RNF111: variants seen among roughly 807,000 people sequenced by gnomAD.
RNF111 encodes the protein ring finger protein 111.
RNF111 carries 17 observed loss-of-function variants against 95.1 expected under a neutral mutation model. The observed-to-expected ratio is 0.18, with a 90% CI of 0.12 to 0.27. The LOEUF (loss-of-function observed/expected upper bound fraction) is 0.27. RNF111 is among the 10% of genes least tolerant of loss of function. The pLI, the probability that RNF111 is intolerant of heterozygous loss-of-function variation, is 1.00. For synonymous variants in RNF111, 440 were observed against 414.8 expected (o/e 1.06, Z -0.74); for missense variants, 1,189 against 1,210.4 (o/e 0.98, Z 0.26).
At chr15:59,061,389 C>T (rs11636229) in intron 5 of RNF111, among the ~76,000 whole-genome samples, 4 of 152,144 alleles carry the variant, frequency 2.6e-5, no homozygotes, top group African/African-American at 4.8e-5. Flanking sequence ...CAAGTTCCTC[C>T]GTAAATTTAT....
At chr15:59,055,608 A>G (rs1312951252) in intron 3 of RNF111, 74 bp from the exon 4 acceptor site, 7 of 1,145,648 alleles carry the variant, frequency 6.1e-6, no homozygotes, top group Non-Finnish European at 8.3e-6. Flanking sequence ...TTTAGTAAGA[A>G]AGGCTTATGG....
Position 59,042,511 on chromosome 15 carries a change from C to G in RNF111, c.881-9794C>G, listed in dbSNP as rs567856353. ...ATCATAATTAGGAATACTTTTACCACTCCAAAGTTCTAGCAAAATTAGCCC... is the reference window on the plus strand; with the variant it reads ...ATCATAATTAGGAATACTTTTACCAGTCCAAAGTTCTAGCAAAATTAGCCC... On this transcript the variant is annotated intron_variant, in intron 2 of 13. Transcript: ENST00000348370. Among the ~76,000 whole-genome samples, 8 of 152,284 alleles carry G rather than the reference C, an allele frequency of 5.3e-5. No homozygotes were observed. In the East Asian group the frequency reaches 1.3e-3, roughly 26 times the overall value.
intron 6 of RNF111, among the ~76,000 whole-genome samples, chr15:59,072,778 C>T (rs1478084173): frequency 6.6e-6 from 1 of 151,448 alleles, no homozygotes; most frequent in Non-Finnish European, 1.5e-5. Flanking sequence ...TTCCTAGTAT[C>T]TTTACCTGGA....
intron 9 of RNF111, among the ~76,000 whole-genome samples, chr15:59,085,110 C>T (rs1305489617): frequency 6.6e-6 from 1 of 152,162 alleles, no homozygotes; most frequent in African/African-American, 2.4e-5. Context: ...TCATTGAGAT[C>T]TTGAACCACA....
chr15:58,996,890 A>G (rs2039100237), intron 1 of RNF111, among the ~76,000 whole-genome samples: 1 of 152,110 alleles, frequency 6.6e-6, no homozygotes. Context: ...GTGGTTTCCT[A>G]TGCAACTCTC....
chr15:59,048,495 G>A (rs572470392), intron 2 of RNF111, among the ~76,000 whole-genome samples: 1 of 152,158 alleles, frequency 6.6e-6, no homozygotes, highest in East Asian at 1.9e-4. Flanking sequence ...AGCTCTTTTG[G>A]GGTTATTGGA....
intron 1 of RNF111, among the ~76,000 whole-genome samples, chr15:59,005,269 C>T (rs1333419612): frequency 6.6e-6 from 1 of 152,184 alleles, no homozygotes; most frequent in Admixed American, 6.5e-5. Flanking sequence ...ACAAGCAGTC[C>T]TCCCTGCATG....
intron 4 of RNF111, among the ~76,000 whole-genome samples, chr15:59,056,132 T>C (rs2042191229): frequency 6.6e-6 from 1 of 152,210 alleles, no homozygotes; most frequent in Non-Finnish European, 1.5e-5. Context: ...TTTGTAATAA[T>C]GATTGTCTTT....
chr15:59,027,776 A>C (rs1196066483), intron 1 of RNF111, among the ~76,000 whole-genome samples: 1 of 146,928 alleles, frequency 6.8e-6, no homozygotes, highest in Non-Finnish European at 1.5e-5. Flanking sequence ...CAGGTGATCC[A>C]CCCGCTTCAG....
intron 2 of RNF111, among the ~76,000 whole-genome samples, chr15:59,047,966 C>T (rs908285163): frequency 3.9e-5 from 6 of 152,174 alleles, no homozygotes; most frequent in African/African-American, 1.2e-4. Flanking sequence ...ATAATAGGTA[C>T]TGGTGAGGAT....
intron 2 of RNF111, among the ~76,000 whole-genome samples, chr15:59,042,032 G>T (rs1367110973): frequency 7.0e-6 from 1 of 143,244 alleles, no homozygotes; most frequent in Non-Finnish European, 1.5e-5. Flanking sequence ...ATTTTTAGAA[G>T]CTTTTTATAT....
intron 1 of RNF111, among the ~76,000 whole-genome samples, chr15:59,023,282 G>C (rs2040436378): frequency 6.6e-6 from 1 of 152,008 alleles, no homozygotes; most frequent in Admixed American, 6.6e-5. Flanking sequence ...TAGCATGCTG[G>C]TTTACCCTGT....
At chr15:59,003,044 A>G (rs551029856) in intron 1 of RNF111, among the ~76,000 whole-genome samples, 1 of 152,174 alleles carries the variant, frequency 6.6e-6, no homozygotes, top group Non-Finnish European at 1.5e-5. Flanking sequence ...GCAGTTGGCT[A>G]TTCACAGGTG....
intron 10 of RNF111, among the ~76,000 whole-genome samples, chr15:59,086,916 A>G (rs2078916295): frequency 6.6e-6 from 1 of 152,246 alleles, no homozygotes; most frequent in South Asian, 2.1e-4. Flanking sequence ...GGAAAAATAG[A>G]TGTAAATGTG....
chr15:59,056,158 A>C (rs972228304), intron 4 of RNF111, among the ~76,000 whole-genome samples: 11 of 152,194 alleles, frequency 7.2e-5, no homozygotes, highest in Non-Finnish European at 1.2e-4. Flanking sequence ...GCCATGAAAA[A>C]GTAGAAGCAG....
In RNF111 at chr15:58,987,728, C is replaced by CTGTAGG; in HGVS notation, c.-360_-359insTGTAGG. The CTGTAGG allele has an allele frequency of 5.5e-6, 1 of 181,036 alleles. No individual in the cohort carries two copies. The highest frequency in any genetic ancestry group is 1.1e-5 in the Non-Finnish European group (1 of 89,164). The allele number at this position is 181,036 out of a possible 1,614,324, so 11.2% of individuals were successfully genotyped here. A position where few individuals can be genotyped will look rare whatever the true frequency, so the allele number is the denominator to read the frequency against. On this transcript the variant is annotated 5_prime_UTR_variant, in exon 1 of 14. Transcript: ENST00000348370. Reference sequence around the variant, plus strand: ...GGCGGCGGCGGCGAAGCGGCGGCGGCGGCTGTAGGGGAGCAGCGGCAGTGG... The same window carrying CTGTAGG: ...GGCGGCGGCGGCGAAGCGGCGGCGGCTGTAGGGGCTGTAGGGGAGCAGCGGCAGTGG...
At chr15:59,079,421 TGCAACTTTTA>T (rs2078670801) in intron 7 of RNF111, among the ~76,000 whole-genome samples, 1 of 152,210 alleles carries the variant, frequency 6.6e-6, no homozygotes, top group Non-Finnish European at 1.5e-5. Context: ...AAATTTGTCT[TGCAACTTTTA>T]AAAATTAGAT....
At chr15:59,065,813 C>A (rs1054941670) in intron 5 of RNF111, among the ~76,000 whole-genome samples, 3 of 152,082 alleles carry the variant, frequency 2.0e-5, no homozygotes, top group African/African-American at 7.2e-5. Flanking sequence ...GAGCTTAAGA[C>A]CAGCCTGGGC....
intron 1 of RNF111, among the ~76,000 whole-genome samples, chr15:59,020,506 A>G (rs142775457): frequency 5.4e-4 from 82 of 152,332 alleles, no homozygotes; most frequent in Middle Eastern, 3.4e-3. Context: ...GGCTGTAATA[A>G]TAACAGAGTC....
Sources: allele counts gnomAD v4.1 joint callset (sites outside exome capture counted in the v4.1 genomes callset), GRCh38; gene constraint gnomAD v4.1.1; transcripts MANE v1.5; gene names NCBI Gene and HGNC (gene_info 2026-07-23, HGNC 2026-07-21).